GUCY1A2: variants seen among roughly 807,000 people sequenced by gnomAD.
GUCY1A2 encodes the protein guanylate cyclase 1 soluble subunit alpha 2, also known as guanylate cyclase soluble subunit alpha-2.
A neutral mutation model predicts 63.5 loss-of-function variants in GUCY1A2; 27 were observed. That is an observed-to-expected ratio of 0.43 (90% CI 0.31 to 0.59). The LOEUF is 0.59. Among genes scored for constraint, GUCY1A2 ranks in the 20% least tolerant of loss-of-function variants. The pLI, the probability that GUCY1A2 is intolerant of heterozygous loss-of-function variation, is 0.11. For synonymous variants in GUCY1A2, 364 were observed against 343.5 expected (o/e 1.06, Z -0.66); for missense variants, 768 against 913.3 (o/e 0.84, Z 2.05).
intron 4 of GUCY1A2, among the ~76,000 whole-genome samples, chr11:106,887,243 GC>G (rs1303302003): frequency 2.6e-5 from 4 of 151,956 alleles, no homozygotes; most frequent in African/African-American, 9.7e-5. Context: ...TTCAAAACCT[GC>G]CACCACCCAA....
chr11:106,702,178 T>A (rs1296859837), intron 7 of GUCY1A2, among the ~76,000 whole-genome samples: 1 of 152,146 alleles, frequency 6.6e-6, no homozygotes, highest in African/African-American at 2.4e-5. Context: ...ACAATATAAA[T>A]AAATTGTCAG....
intron 6 of GUCY1A2, among the ~76,000 whole-genome samples, chr11:106,748,884 C>G (rs530656673): frequency 6.6e-6 from 1 of 152,100 alleles, no homozygotes; most frequent in South Asian, 2.1e-4. Context: ...GAATAGAAAA[C>G]ATCAGACCTC....
chr11:106,954,322 T>A (rs1414799048), intron 3 of GUCY1A2, among the ~76,000 whole-genome samples: 1 of 152,210 alleles, frequency 6.6e-6, no homozygotes, highest in Non-Finnish European at 1.5e-5. Context: ...TGTGTCGTTT[T>A]GAGTGAGTTT....
chr11:106,756,457 A>G (rs1361947606), intron 6 of GUCY1A2, among the ~76,000 whole-genome samples: 2 of 152,002 alleles, frequency 1.3e-5, no homozygotes, highest in Non-Finnish European at 2.9e-5. Flanking sequence ...GGTCTTTACA[A>G]TTGGCGTGTT....
intron 6 of GUCY1A2, among the ~76,000 whole-genome samples, chr11:106,756,749 A>G (rs1270267991): frequency 6.6e-6 from 1 of 152,092 alleles, no homozygotes; most frequent in Non-Finnish European, 1.5e-5. Context: ...TTTGTGGGTA[A>G]CCCGACCTTT....
rs889623378 is a variant in GUCY1A2, at chr11:106,775,204, T to C, written c.1836+1235A>G. Among the ~76,000 whole-genome samples, 59 of 152,256 alleles carry C rather than the reference T, an allele frequency of 3.9e-4. 1 individual carries two copies. Among genetic ancestry groups the C allele is most frequent in the Non-Finnish European group, 3.7e-4 (25 of 68,008 alleles). The stretch of plus-strand genomic sequence containing the variant: ...AAATTCTGACTTAAGTCAGGAAGAA[T>C]TTTTTGTGAACTGGTCAGGTCAAAA... On this transcript the variant is annotated intron_variant, in intron 6 of 7. Transcript: ENST00000526355.
intron 3 of GUCY1A2, among the ~76,000 whole-genome samples, chr11:106,964,712 C>T (rs1166534743): frequency 6.6e-6 from 1 of 152,096 alleles, no homozygotes; most frequent in Non-Finnish European, 1.5e-5. Flanking sequence ...AGGTGAGGTG[C>T]CTCATGCCTG....
At chr11:106,713,214 T>A in intron 6 of GUCY1A2, among the ~76,000 whole-genome samples, 1 of 152,204 alleles carries the variant, frequency 6.6e-6, no homozygotes, top group East Asian at 1.9e-4. Flanking sequence ...TCCACTGTCA[T>A]GAAAACTGTT....
chr11:106,930,333 TC>T (rs1193973305), intron 4 of GUCY1A2, among the ~76,000 whole-genome samples: 1 of 152,220 alleles, frequency 6.6e-6, no homozygotes, highest in Admixed American at 6.5e-5. Flanking sequence ...GAGACTGCAT[TC>T]TTTTTTTTGA....
At chr11:106,787,039 G>A (rs566047264) in intron 5 of GUCY1A2, among the ~76,000 whole-genome samples, 22 of 152,116 alleles carry the variant, frequency 1.4e-4, no homozygotes, top group Non-Finnish European at 3.1e-4. Flanking sequence ...TAAATCCTGT[G>A]ACCCAATTTA....
chr11:106,947,478 TTAA>T (rs1470085840), intron 3 of GUCY1A2, among the ~76,000 whole-genome samples: 8 of 151,608 alleles, frequency 5.3e-5, no homozygotes, highest in South Asian at 4.2e-4. Context: ...TAAATAAATG[TTAA>T]TAATAAAAAC....
At chr11:106,734,726 A>C (rs924310137) in intron 6 of GUCY1A2, among the ~76,000 whole-genome samples, 4 of 152,258 alleles carry the variant, frequency 2.6e-5, no homozygotes, top group African/African-American at 9.6e-5. Context: ...ATTGTTGTCC[A>C]TGTTTTCCCA....
In GUCY1A2 at chr11:107,009,137, C is replaced by G. The variant is rs967318543; in HGVS notation, c.303+8616G>C. Among the ~76,000 whole-genome samples the G allele has an allele frequency of 3.3e-5, 5 of 152,122 alleles. No homozygotes were observed. In the East Asian group the frequency reaches 9.6e-4, roughly 29 times the overall value. Reference sequence around the variant, plus strand: ...TGGAGAACTAAATGAGAGACCCCCACCCAACTTCACCACTGAATGAACGGC... The same window carrying G: ...TGGAGAACTAAATGAGAGACCCCCAGCCAACTTCACCACTGAATGAACGGC... On this transcript the variant is annotated intron_variant, in intron 1 of 7. Transcript: ENST00000526355.
At position 106,941,382 on chromosome 11, in the gene GUCY1A2, A is replaced by C. The variant is rs538751197; in HGVS notation, c.488-1204T>G. Among the ~76,000 whole-genome samples, 54 of 152,330 alleles carry C rather than the reference A, an allele frequency of 3.5e-4. 1 individual carries two copies. Among genetic ancestry groups the C allele is most frequent in the African/African-American group, 1.1e-3 (47 of 41,578 alleles). ...GGATGATATGAGGAAAAATGAGGGA[A>C]TTTATGTGCCAAAGAGGACTATAAC... On this transcript the variant is annotated intron_variant, in intron 3 of 7. Coordinates refer to ENST00000526355, the MANE Select transcript of GUCY1A2 (RefSeq NM_000855.3).
intron 4 of GUCY1A2, among the ~76,000 whole-genome samples, chr11:106,937,332 T>G (rs1860693301): frequency 6.6e-6 from 1 of 152,186 alleles, no homozygotes; most frequent in Non-Finnish European, 1.5e-5. Flanking sequence ...ATCATTTCAT[T>G]ATGTCTATTT....
At chr11:106,917,696 A>C (rs1860386097) in intron 4 of GUCY1A2, among the ~76,000 whole-genome samples, 1 of 140,330 alleles carries the variant, frequency 7.1e-6, no homozygotes, top group African/African-American at 2.5e-5. Context: ...CACAAGGACA[A>C]AAAACCAAAC....
At chr11:106,889,265 T>A (rs568588234) in intron 4 of GUCY1A2, among the ~76,000 whole-genome samples, 1 of 152,310 alleles carries the variant, frequency 6.6e-6, no homozygotes, top group South Asian at 2.1e-4. Flanking sequence ...TTTTAAAAAA[T>A]GTTCTCCAAG....
chr11:106,912,669 A>C (rs891813010), intron 4 of GUCY1A2, among the ~76,000 whole-genome samples: 1 of 152,144 alleles, frequency 6.6e-6, no homozygotes, highest in African/African-American at 2.4e-5. Flanking sequence ...CTGTCAATGA[A>C]ATAGATGAAA....
At chr11:106,772,618 A>G (rs1864277240) in intron 6 of GUCY1A2, among the ~76,000 whole-genome samples, 1 of 152,172 alleles carries the variant, frequency 6.6e-6, no homozygotes, top group African/African-American at 2.4e-5. Context: ...TATCTGATTC[A>G]TAAGAAAGAG....
Sources: allele counts gnomAD v4.1 joint callset (sites outside exome capture counted in the v4.1 genomes callset), GRCh38; gene constraint gnomAD v4.1.1; transcripts MANE v1.5; gene names NCBI Gene and HGNC (gene_info 2026-07-23, HGNC 2026-07-21).